EDIL3: variants seen among roughly 807,000 people sequenced by gnomAD.
EDIL3 encodes EGF-like repeat and discoidin I-like domain-containing protein 3.
Under a neutral mutation model 67.4 loss-of-function variants are expected in EDIL3, and 37 were observed. The observed-to-expected ratio is 0.55, with a 90% CI of 0.42 to 0.72. EDIL3 has a LOEUF of 0.72. Ranked by LOEUF, EDIL3 falls within the 30% of genes least tolerant of loss-of-function variation. The probability of loss-of-function intolerance (pLI) is 0.00; values close to 1 mark genes in which losing one functional copy is unlikely to be tolerated. For synonymous variants in EDIL3, 195 were observed against 196.3 expected (o/e 0.99, Z 0.05); for missense variants, 527 against 586.3 (o/e 0.90, Z 1.04).
intron 4 of EDIL3, among the ~76,000 whole-genome samples, chr5:84,150,948 C>T (rs1580350617): frequency 6.6e-6 from 1 of 151,918 alleles, no homozygotes; most frequent in Non-Finnish European, 1.5e-5. Flanking sequence ...TTTATTTATA[C>T]AAATTTCTAG....
intron 1 of EDIL3, among the ~76,000 whole-genome samples, chr5:84,264,138 C>T (rs1009341183): frequency 6.6e-5 from 10 of 152,018 alleles, no homozygotes; most frequent in Admixed American, 2.6e-4. Flanking sequence ...CCCAGCTACT[C>T]GGGAGGCTGA....
At chr5:84,277,390 T>C (rs1397235295) in intron 1 of EDIL3, among the ~76,000 whole-genome samples, 1 of 152,150 alleles carries the variant, frequency 6.6e-6, no homozygotes, top group African/African-American at 2.4e-5. Flanking sequence ...TCCAGTACTG[T>C]GAAAAATAAA....
chr5:83,990,313 C>T (rs1181728519), intron 9 of EDIL3, among the ~76,000 whole-genome samples: 1 of 151,858 alleles, frequency 6.6e-6, no homozygotes, highest in Non-Finnish European at 1.5e-5. Context: ...CTGGTGAAAT[C>T]CCGTCTCTAC....
intron 3 of EDIL3, among the ~76,000 whole-genome samples, chr5:84,227,071 T>C (rs546549237): frequency 7.9e-5 from 12 of 152,038 alleles, no homozygotes; most frequent in East Asian, 1.9e-4. Context: ...TAGTAAGGTG[T>C]GGGCAGCAGA....
intron 4 of EDIL3, among the ~76,000 whole-genome samples, chr5:84,168,086 G>A (rs1720753154): frequency 2.0e-5 from 3 of 152,042 alleles, no homozygotes; most frequent in African/African-American, 7.2e-5. Context: ...TCTAGGCTAT[G>A]GCATAATTGC....
At chr5:84,024,963 G>C (rs111560766) in intron 9 of EDIL3, among the ~76,000 whole-genome samples, 3 of 152,040 alleles carry the variant, frequency 2.0e-5, no homozygotes, top group African/African-American at 7.2e-5. Context: ...CTAAAGAAGA[G>C]CTATCTCTCT....
chr5:84,008,091 C>T (rs1200470748), intron 9 of EDIL3, among the ~76,000 whole-genome samples: 1 of 151,954 alleles, frequency 6.6e-6, no homozygotes, highest in African/African-American at 2.4e-5. Context: ...CAATTGGACT[C>T]CTGGAGACAG....
chr5:84,119,226 T>TTC (rs911570173), intron 5 of EDIL3, among the ~76,000 whole-genome samples: 1 of 147,502 alleles, frequency 6.8e-6, no homozygotes, highest in African/African-American at 2.5e-5. Flanking sequence ...TTTTTTTTTT[T>TTC]TTTTTTTTTT....
chr5:84,219,592 C>A (rs1744298051), intron 3 of EDIL3, among the ~76,000 whole-genome samples: 1 of 152,046 alleles, frequency 6.6e-6, no homozygotes, highest in Admixed American at 6.6e-5. Flanking sequence ...ACCAGATGAT[C>A]CAGAAATCCC....
chr5:84,269,468 G>A (rs768120946), intron 1 of EDIL3, among the ~76,000 whole-genome samples: 1 of 151,976 alleles, frequency 6.6e-6, no homozygotes. Flanking sequence ...TCTCAATAAA[G>A]AATACTACTA....
At chr5:84,219,096 T>G (rs1386539071) in intron 3 of EDIL3, among the ~76,000 whole-genome samples, 1 of 152,150 alleles carries the variant, frequency 6.6e-6, no homozygotes, top group African/African-American at 2.4e-5. Context: ...GCTATCCCAG[T>G]GTTGGTGGCC....
chr5:84,254,061 A>G (rs1745081584), intron 2 of EDIL3, 23 bp downstream of exon 2: 1 of 1,570,036 alleles, frequency 6.4e-7, no homozygotes, highest in Non-Finnish European at 8.6e-7. Context: ...ATAACTACTG[A>G]AATACTTAAA....
At chr5:84,380,309 A>G (rs1268302119) in intron 1 of EDIL3, among the ~76,000 whole-genome samples, 2 of 152,072 alleles carry the variant, frequency 1.3e-5, no homozygotes, top group Non-Finnish European at 2.9e-5. Context: ...GAACTGAATA[A>G]TAGGAATGGC....
At chr5:84,309,349 T>A (rs1448406938) in intron 1 of EDIL3, among the ~76,000 whole-genome samples, 1 of 151,260 alleles carries the variant, frequency 6.6e-6, no homozygotes, top group African/African-American at 2.4e-5. Flanking sequence ...TTTCTTTTTT[T>A]TTATTATTAT....
At chr5:84,197,886 G>A (rs1199268775) in intron 3 of EDIL3, among the ~76,000 whole-genome samples, 1 of 151,658 alleles carries the variant, frequency 6.6e-6, no homozygotes, top group Middle Eastern at 3.2e-3. Context: ...AGCAAGAAAT[G>A]GCTATTGAAT....
intron 9 of EDIL3, among the ~76,000 whole-genome samples, chr5:83,975,732 T>G (rs1287801467): frequency 6.6e-6 from 1 of 151,886 alleles, no homozygotes; most frequent in Admixed American, 6.6e-5. Context: ...TTTAATGAAG[T>G]TGAAACACTG....
chr5:84,244,762 CTGTTCCATACTTTAGAT>C (rs1349786214), intron 2 of EDIL3, among the ~76,000 whole-genome samples: 7 of 152,192 alleles, frequency 4.6e-5, no homozygotes, highest in Non-Finnish European at 1.0e-4. Context: ...TACCCTAAGC[CTGTTCCATACTTTAGAT>C]TGGGGTCCTA....
intron 1 of EDIL3, among the ~76,000 whole-genome samples, chr5:84,367,748 A>T (rs1049859754): frequency 2.0e-5 from 3 of 151,994 alleles, no homozygotes; most frequent in Non-Finnish European, 2.9e-5. Context: ...GCTCCAGTGC[A>T]CTCCAGCCGT....
intron 3 of EDIL3, among the ~76,000 whole-genome samples, chr5:84,208,314 C>A (rs911544938): frequency 5.3e-5 from 8 of 152,126 alleles, no homozygotes; most frequent in African/African-American, 1.4e-4. Flanking sequence ...TCATCCCTGG[C>A]CATCAGAGAA....
Sources: gnomAD v4.1 joint callset for allele counts (sites outside exome capture counted in the v4.1 genomes callset) on GRCh38, gnomAD v4.1.1 for gene constraint, MANE v1.5 for transcripts, NCBI Gene and HGNC (gene_info 2026-07-23, HGNC 2026-07-21) for gene names.